Variants in CHADL observed in about 807,000 individuals in gnomAD.
CHADL encodes the protein chondroadherin like.
CHADL carries 48 observed loss-of-function variants against 52.1 expected under a neutral mutation model. The ratio of observed to expected loss-of-function variants is 0.92; its 90% confidence interval spans 0.73 to 1.17. The LOEUF (loss-of-function observed/expected upper bound fraction) is 1.17, where lower values mean the gene tolerates loss of function less well. CHADL is among the 50% of genes most tolerant of loss of function. The pLI is 0.00. For missense variants in CHADL, 977 were observed against 1,035.1 expected (o/e 0.94, Z 0.77); for synonymous variants, 498 against 511.2 (o/e 0.97, Z 0.35).
chr22:41,231,963 C>T (rs1481512153), intron 5 of CHADL, among the ~76,000 whole-genome samples: 1 of 152,198 alleles, frequency 6.6e-6, no homozygotes, highest in South Asian at 2.1e-4. Flanking sequence ...TGGCTCATTT[C>T]ACCTTCACAG....
At chr22:41,240,735 C>T in intron 1 of CHADL, 139 bp downstream of exon 1, 1 of 990,118 alleles carries the variant, frequency 1.0e-6, no homozygotes, top group Non-Finnish European at 1.5e-6. Flanking sequence ...CCTTGGGAGA[C>T]CCCCTTCCTG....
chr22:41,238,463 A>G lies in CHADL; in HGVS notation c.609T>C (p.Ala203=). 2.0e-6 allele frequency: 3 copies of G among 1,531,242 alleles called. No homozygotes were observed. The highest frequency in any genetic ancestry group is 8.8e-7 in the Non-Finnish European group (1 of 1,141,246). The allele number at this position is 1,531,242 out of a possible 1,614,324, so 94.9% of individuals were successfully genotyped here. A position where few individuals can be genotyped will look rare whatever the true frequency, so the allele number is the denominator to read the frequency against. The part of the protein sequence containing the change: ...ALSVLAPEAL[A]GLPALRRLSL... ...TGAGCCGTCTCAGGGCGGGCAGGCC[A>G]GCCAGGGCCTCGGGGGCCAGCACGC... The change falls in exon 3 of 6, where the codon GCT becomes GCC. Residue 203 remains alanine, a synonymous_variant. Coordinates refer to ENST00000216241, the MANE Select transcript of CHADL (RefSeq NM_138481.2). This position sits in a 1 kb window ranked among gnomAD's most constrained non-coding sequence, Gnocchi z 4.9.
rs777988362 is a variant in CHADL at position 41,235,159 on chromosome 22, A to T, written c.2248T>A (p.Cys750Ser). Reference protein sequence around the residue: ...ARRTPIKGRQCGADKVGKEKG... With the variant: ...ARRTPIKGRQSGADKVGKEKG... ...CCATGGCCAACCTTATCTGCTCCACACTGTCTTCCTTTGATGGGGGTTCTC... is the reference window on the plus strand; with the variant it reads ...CCATGGCCAACCTTATCTGCTCCACTCTGTCTTCCTTTGATGGGGGTTCTC... The change falls in exon 5 of 6, where the codon TGT becomes AGT. Residue 750 changes from cysteine to serine, a missense_variant. By Grantham distance (112) the Cys-to-Ser change is moderately radical. Transcript: ENST00000216241. 2.6e-6 allele frequency: 4 copies of T among 1,551,260 alleles called. No individual in the cohort carries two copies. In the South Asian group the frequency reaches 4.8e-5, roughly 18 times the overall value.
chr22:41,235,047 G>T, intron 5 of CHADL, 98 bp downstream of exon 5: 1 of 1,257,928 alleles, frequency 7.9e-7, no homozygotes. Context: ...GGAACCACAT[G>T]AATCAGGACC....
rs759337730 is a variant in CHADL, at chr22:41,238,819, C to G, written c.253G>C (p.Val85Leu). 1.3e-6 allele frequency: 2 copies of G among 1,548,898 alleles called. No individual in the cohort carries two copies. ...AGGTCCAGGTGTGTGAGGTGAGGCA[C>G]GCCCTGGAAGGCGGCTGCGGGGATC... ...KVIPAAAFQGVPHLTHLDLRH... is the reference protein window; with the variant it reads ...KVIPAAAFQGLPHLTHLDLRH... The change falls in exon 3 of 6, where the codon GTG becomes CTG. Residue 85 changes from valine (V) to leucine (L), a missense_variant. Transcript: ENST00000216241. This position sits in a 1 kb window ranked among gnomAD's most constrained non-coding sequence, Gnocchi z 4.9.
intron 4 of CHADL, among the ~76,000 whole-genome samples, chr22:41,235,948 A>T (rs1194824718): frequency 2.0e-5 from 3 of 151,926 alleles, no homozygotes; most frequent in African/African-American, 4.8e-5. Context: ...CTCAGCTCAC[A>T]GCAACCTCTG....
chr22:41,238,565 G>A lies in CHADL; in HGVS notation c.507C>T (p.Ala169=). The change falls in exon 3 of 6, where the codon GCC becomes GCT. Residue 169 remains alanine (A), a synonymous_variant. Transcript: ENST00000216241. This position sits in a 1 kb window ranked among gnomAD's most constrained non-coding sequence, Gnocchi z 4.9. ...ALATLNLAHN[A]LVYLPAMAFQ... ...AGGCCATGGCGGGCAGGTAAACCAG[G>A]GCGTTGTGGGCCAGGTTTAGCGTGG... 1.3e-6 allele frequency: 2 copies of A among 1,546,400 alleles called. No homozygotes were observed. Among genetic ancestry groups the A allele is most frequent in the Non-Finnish European group, 1.7e-6 (2 of 1,146,436 alleles).
chr22:41,235,121 C>T (rs1251253343), intron 5 of CHADL, 24 bp downstream of exon 5: 4 of 1,549,544 alleles, frequency 2.6e-6, no homozygotes, highest in Middle Eastern at 1.7e-4. Flanking sequence ...ACCAAGGTCT[C>T]ACCCCTCCTG....
At chr22:41,235,375 G>A (rs1484819413) in intron 4 of CHADL, 32 bp from the exon 5 acceptor site, 1 of 1,532,294 alleles carries the variant, frequency 6.5e-7, no homozygotes, top group Non-Finnish European at 8.8e-7. Flanking sequence ...GGAGCTAGCT[G>A]TGCTGATTCT....
chr22:41,230,092 C>CCCCCAG, intron 5 of CHADL: 1 of 969,176 alleles, frequency 1.0e-6, no homozygotes, highest in Non-Finnish European at 1.6e-6. Flanking sequence ...CCCACCCCTC[C>CCCCCAG]CAGAGTTATT....
chr22:41,231,655 C>T (rs1021091812), intron 5 of CHADL, among the ~76,000 whole-genome samples: 2 of 152,224 alleles, frequency 1.3e-5, no homozygotes, highest in African/African-American at 4.8e-5. Context: ...TTGCTCAATC[C>T]ATGCAGTAAC....
chr22:41,237,801 G>T lies in CHADL; in HGVS notation c.1271C>A (p.Pro424His), dbSNP rs1255189288. 4.7e-6 allele frequency: 7 copies of T among 1,498,372 alleles called. No homozygotes were observed. The South Asian group carries it at 7.7e-5, about 16-fold the overall frequency. 92.8% of individuals were successfully genotyped at this position (1,498,372 alleles called of 1,614,324 possible). A position where few individuals can be genotyped will look rare whatever the true frequency, so the allele number is the denominator to read the frequency against. The change falls in exon 3 of 6, where the codon CCC becomes CAC. Residue 424 changes from proline (P) to histidine (H), a missense_variant. Transcript: ENST00000216241. ...CAGGTCCAGGAGCTGGGTGTCGCTG[G>T]GGAAGCCGCGGGGCACCGCCTGCAG... ...CGLQAVPRGF[P>H]SDTQLLDLRR...
In CHADL at chr22:41,238,088, C is replaced by T; in HGVS notation, c.984G>A (p.Ala328=). 7.8e-7 allele frequency: 1 copy of T among 1,289,444 alleles called. No homozygotes were observed. Among genetic ancestry groups the T allele is most frequent in the Non-Finnish European group, 9.7e-7 (1 of 1,027,924 alleles). The allele number at this position is 1,289,444 out of a possible 1,614,324, so 79.9% of individuals were successfully genotyped here. Residue 328 remains alanine (A), a synonymous_variant, in exon 3 of 6, where the codon GCG becomes GCA. Coordinates refer to ENST00000216241, the MANE Select transcript of CHADL (RefSeq NM_138481.2). The surrounding 1 kb of genome is among the most constrained non-coding windows in gnomAD (Gnocchi z 4.9). ...ARPLLEWLAR[A]RVRSDGACQG... ...GGCACGCGCCGTCCGAGCGCACGCGCGCCCGCGCCAGCCACTCGAGTAGGG... is the reference window on the plus strand; with the variant it reads ...GGCACGCGCCGTCCGAGCGCACGCGTGCCCGCGCCAGCCACTCGAGTAGGG...
rs1430668231 is a variant in CHADL at position 41,235,423 on chromosome 22, G to A, written c.2064-80C>T. The A allele has an allele frequency of 4.2e-6, 5 of 1,177,928 alleles. No individual in the cohort carries two copies. The East Asian group carries it at 1.3e-4, about 30-fold the overall frequency. 73.0% of individuals were successfully genotyped at this position (1,177,928 alleles called of 1,614,324 possible). Reference sequence around the variant, plus strand: ...TGGAGCAGGTGGGCACTGGGTGTGGGGCAGGGTTGGTGCAGAAGGCAGCAC... The same window carrying A: ...TGGAGCAGGTGGGCACTGGGTGTGGAGCAGGGTTGGTGCAGAAGGCAGCAC... On this transcript the variant is annotated intron_variant, in intron 4 of 5. Transcript: ENST00000216241.
chr22:41,230,071 G>C, intron 5 of CHADL: 1 of 1,056,790 alleles, frequency 9.5e-7, no homozygotes, highest in Non-Finnish European at 1.4e-6. Flanking sequence ...CCCTTTCCCA[G>C]CTCCTCCGCC....
chr22:41,229,903 A>G (rs577581890), intron 5 of CHADL, among the ~76,000 whole-genome samples, 173 bp from the exon 6 acceptor site: 13 of 151,626 alleles, frequency 8.6e-5, no homozygotes, highest in Middle Eastern at 3.4e-3. Context: ...CCCTACCTCT[A>G]GTGCTTGGCA....
chr22:41,237,893 G>A lies in CHADL; in HGVS notation c.1179C>T (p.Val393=). The A allele has an allele frequency of 7.3e-7, 1 of 1,362,230 alleles. No individual in the cohort carries two copies. The highest frequency in any genetic ancestry group is 9.4e-7 in the Non-Finnish European group (1 of 1,063,214). The allele number at this position is 1,362,230 out of a possible 1,614,324, so 84.4% of individuals were successfully genotyped here. Residue 393 remains valine (V), a synonymous_variant, in exon 3 of 6, where the codon GTC becomes GTT. Transcript: ENST00000216241. Reference sequence around the variant, plus strand: ...ACACGCAGGCGCGAGGGCAAGGCGCGACTGCCCGCTCCTCCCCGGGGCCGC... The same window carrying A: ...ACACGCAGGCGCGAGGGCAAGGCGCAACTGCCCGCTCCTCCCCGGGGCCGC... ...PPRGPGEERA[V]APCPRACVCV...
chr22:41,235,798 G>A (rs935890342), intron 4 of CHADL, among the ~76,000 whole-genome samples: 1 of 152,118 alleles, frequency 6.6e-6, no homozygotes, highest in African/African-American at 2.4e-5. Flanking sequence ...AAGGTTACGC[G>A]GCTTGCAGAG....
chr22:41,229,579 A>T lies in CHADL; in HGVS notation c.*125T>A, dbSNP rs1191553843. 1.2e-6 allele frequency: 2 copies of T among 1,613,232 alleles called. No homozygotes were observed. The highest frequency in any genetic ancestry group is 1.7e-5 in the Admixed American group (1 of 60,000). The stretch of plus-strand genomic sequence containing the variant: ...CCCACTAAGACGCGACCCCTCAGAC[A>T]GGGGTCCAAGAAGCCCCTGCTGGAG... On this transcript the variant is annotated 3_prime_UTR_variant, in exon 6 of 6. Transcript: ENST00000216241.
Sources: gnomAD v4.1 joint callset for allele counts (sites outside exome capture counted in the v4.1 genomes callset) on GRCh38, gnomAD v4.1.1 for gene constraint, Gnocchi (gnomAD v3.1) non-coding constraint, MANE v1.5 for transcripts, NCBI Gene and HGNC (gene_info 2026-07-23, HGNC 2026-07-21) for gene names.